MIDEAS: variants seen among roughly 807,000 people sequenced by gnomAD.
The protein encoded by MIDEAS is mitotic deacetylase-associated SANT domain protein.
Under a neutral mutation model 102.7 loss-of-function variants are expected in MIDEAS, and 26 were observed. The ratio of observed to expected loss-of-function variants is 0.25; its 90% CI spans 0.19 to 0.35. The LOEUF is 0.35. Ranked by LOEUF, MIDEAS falls within the 10% of genes least tolerant of loss-of-function variation. The pLI, the probability that MIDEAS is intolerant of heterozygous loss-of-function variation, is 1.00. For missense variants in MIDEAS, 1,231 were observed against 1,435.6 expected, an observed-to-expected ratio of 0.86 and a Z score of 2.30; for synonymous variants, 585 against 591.0, an observed-to-expected ratio of 0.99 and a Z score of 0.15.
At chr14:73,782,767 G>A (rs1020125739) in intron 1 of MIDEAS, among the ~76,000 whole-genome samples, 1 of 152,222 alleles carries the variant, frequency 6.6e-6, no homozygotes, top group Non-Finnish European at 1.5e-5. Context: ...AGGGCAGGCT[G>A]ACTGGGACAA....
intron 1 of MIDEAS, among the ~76,000 whole-genome samples, chr14:73,785,086 C>T (rs1278040616): frequency 6.6e-6 from 1 of 152,222 alleles, no homozygotes; most frequent in Non-Finnish European, 1.5e-5. Flanking sequence ...CCATGCCCAG[C>T]ATAAGGTGGT....
chr14:73,778,320 G>A (rs1259517416), intron 1 of MIDEAS, among the ~76,000 whole-genome samples: 9 of 150,840 alleles, frequency 6.0e-5, no homozygotes, highest in East Asian at 4.0e-4. Flanking sequence ...CTGAGATTGC[G>A]CCACTGCACT....
chr14:73,764,755 T>C (rs2053580825), upstream of MIDEAS, among the ~76,000 whole-genome samples: 1 of 152,240 alleles, frequency 6.6e-6, no homozygotes, highest in Non-Finnish European at 1.5e-5. Flanking sequence ...TCCGCTCACA[T>C]TGACTTCACC....
chr14:73,747,141 A>G (rs1405646476), intron 1 of MIDEAS, among the ~76,000 whole-genome samples: 1 of 152,144 alleles, frequency 6.6e-6, no homozygotes, highest in Non-Finnish European at 1.5e-5. Context: ...GTTGTCACCC[A>G]TTCTGAATCT....
chr14:73,730,835 G>A (rs2053129074), intron 3 of MIDEAS, among the ~76,000 whole-genome samples: 1 of 152,194 alleles, frequency 6.6e-6, no homozygotes, highest in Non-Finnish European at 1.5e-5. Flanking sequence ...GCGGGTGCCT[G>A]TAATTTCAGC....
chr14:73,739,850 T>C lies in MIDEAS; in HGVS notation c.159A>G (p.Gly53=). Residue 53 remains glycine (G), a synonymous_variant, in exon 2 of 13, where the codon GGA becomes GGG. Transcript: ENST00000423556. ...CAGGCTGAGAGGTGGAGACTGCCCC[T>C]CCTGGACCCTCGTGCCCGAGGTACT... ...EEQYLGHEGP[G]GAVSTSQPVE... 6.3e-7 allele frequency: 1 copy of C among 1,599,632 alleles called. No individual in the cohort carries two copies. The highest frequency in any genetic ancestry group is 1.1e-5 in the South Asian group (1 of 89,890).
chr14:73,739,071 G>A lies in MIDEAS; in HGVS notation c.938C>T (p.Pro313Leu), dbSNP rs765568789. ...CAGTTCTGGGTTCATATCTGGGTTGGGGGGGAAGGGGTAGGGTGCCATGCT... is the reference window on the plus strand; with the variant it reads ...CAGTTCTGGGTTCATATCTGGGTTGAGGGGGAAGGGGTAGGGTGCCATGCT... The part of the protein sequence containing the change: ...HHSMAPYPFP[P>L]NPDMNPELRK... The change falls in exon 2 of 13, where the codon CCC (proline) becomes CTC (leucine). Residue 313 changes from proline to leucine, a missense_variant. Around this residue, in one of 5 missense-constraint regions of MIDEAS, gnomAD observed 758 missense variants for 856.0 expected, o/e 0.89. Transcript: ENST00000423556. The A allele has an allele frequency of 2.5e-6, 4 of 1,575,926 alleles. No individual in the cohort carries two copies. The highest frequency in any genetic ancestry group is 1.2e-5 in the South Asian group (1 of 84,550).
rs1028657013 is a variant in MIDEAS at position 73,719,049 on chromosome 14, C to G, written c.3135-41G>C. On this transcript the variant is annotated intron_variant, in intron 12 of 12. Coordinates refer to ENST00000423556, the MANE Select transcript of MIDEAS (RefSeq NM_001367710.1). ...GGTTGCTCAGAACCGGCCTAGCCCA[C>G]CCGGGGGCCCCCAGCGCGGGTGCGC... 18 of 1,449,804 alleles carry G rather than the reference C, an allele frequency of 1.2e-5. No homozygotes were observed. The African/African-American group carries it at 1.9e-4, about 15-fold the overall frequency. The allele number at this position is 1,449,804 out of a possible 1,614,324, so 89.8% of individuals were successfully genotyped here.
In MIDEAS at chr14:73,733,310, G is replaced by A. The variant is rs538003382; in HGVS notation, c.1750-3325C>T. ...CCTCTGATTAAAGTAATTCAGGGCC[G>A]GGTGAGGTGGCTTACACCTGTAATC... On this transcript the variant is annotated intron_variant, in intron 3 of 12. Transcript: ENST00000423556. Among the ~76,000 whole-genome samples, 11 of 151,960 alleles carry A rather than the reference G, an allele frequency of 7.2e-5. No homozygotes were observed. In the East Asian group the frequency reaches 1.4e-3, roughly 19 times the overall value.
chr14:73,739,796 G>C lies in MIDEAS; in HGVS notation c.213C>G (p.Ala71=). 6.2e-7 allele frequency: 1 copy of C among 1,613,512 alleles called. No individual in the cohort carries two copies. Among genetic ancestry groups the C allele is most frequent in the Non-Finnish European group, 8.5e-7 (1 of 1,179,732 alleles). Residue 71 remains alanine, a synonymous_variant, in exon 2 of 13, where the codon GCC becomes GCG. Transcript: ENST00000423556. ...GCCCATATACCACAGAGTTCAGCAG[G>C]GCCAGGCTGCTAGGAGGGGGCAGTT... ...PVELPPPSSL[A]LLNSVVYGPE...
Position 73,742,362 on chromosome 14 carries a change from C to T in MIDEAS, c.-247-2107G>A, listed in dbSNP as rs1368942170. Among the ~76,000 whole-genome samples the T allele has an allele frequency of 2.0e-5, 3 of 147,792 alleles. No individual in the cohort carries two copies. The highest frequency in any genetic ancestry group is 5.3e-5 in the African/African-American group (2 of 37,384). ...CACGTGGCGGGTGGGCCTGGATGCA[C>T]GTGCCAGTGTGAACCTGATGGAGGG... On this transcript the variant is annotated intron_variant, in intron 1 of 12. Coordinates refer to ENST00000423556, the MANE Select transcript of MIDEAS (RefSeq NM_001367710.1). This position sits in a 1 kb window ranked among gnomAD's most constrained non-coding sequence, Gnocchi z 4.4.
intron 3 of MIDEAS, among the ~76,000 whole-genome samples, chr14:73,732,340 A>C (rs2053149210): frequency 6.6e-6 from 1 of 151,062 alleles, no homozygotes; most frequent in South Asian, 2.1e-4. Flanking sequence ...TAAAGAGCCA[A>C]GATCTAGGTG....
chr14:73,719,624 T>G, intron 11 of MIDEAS, 123 bp from the exon 12 acceptor site: 1 of 912,546 alleles, frequency 1.1e-6, no homozygotes. Flanking sequence ...TCACCTAGCA[T>G]GCACTTGGGT....
chr14:73,769,169 C>G (rs1200958310), intron 1 of MIDEAS, among the ~76,000 whole-genome samples: 1 of 152,204 alleles, frequency 6.6e-6, no homozygotes, highest in African/African-American at 2.4e-5. Flanking sequence ...CAGGGTCTTT[C>G]CCTCTCACTC....
At chr14:73,736,846 TCTGTCCAGAAG>T (rs994037818) in intron 3 of MIDEAS, 141 bp downstream of exon 3, 33 of 718,706 alleles carry the variant, frequency 4.6e-5, no homozygotes, top group Admixed American at 1.5e-4. Flanking sequence ...CTTCTGGACG[TCTGTCCAGAAG>T]TTTGGTTTGG....
At chr14:73,750,177 G>A (rs1007041815) in intron 1 of MIDEAS, among the ~76,000 whole-genome samples, 1 of 152,178 alleles carries the variant, frequency 6.6e-6, no homozygotes, top group Non-Finnish European at 1.5e-5. Context: ...TCCTATGGAG[G>A]AGTCTTATGT....
Position 73,737,185 on chromosome 14 carries a change from C to G in MIDEAS, c.1562G>C (p.Gly521Ala), listed in dbSNP as rs772266815. 9.9e-6 allele frequency: 16 copies of G among 1,613,986 alleles called. No individual in the cohort carries two copies. The highest frequency in any genetic ancestry group is 1.4e-5 in the Non-Finnish European group (16 of 1,180,022). ...LATKRAREDS[G>A]MVPLIIPVSV... is the part of the protein sequence containing the mutation. Reference sequence around the variant, plus strand: ...CACTGGGATGATGAGGGGTACCATCCCACTGTCTTCTCGTGCTCGCTTGGT... The same window carrying G: ...CACTGGGATGATGAGGGGTACCATCGCACTGTCTTCTCGTGCTCGCTTGGT... The change falls in exon 3 of 13, where the codon GGG becomes GCG. Residue 521 changes from glycine to alanine, a missense_variant. This residue lies in a region of MIDEAS where 758 missense variants were observed against 856.0 expected (regional missense o/e 0.89). Coordinates refer to ENST00000423556, the MANE Select transcript of MIDEAS (RefSeq NM_001367710.1).
Position 73,719,326 on chromosome 14 carries a change from A to G in MIDEAS, c.3113T>C (p.Phe1038Ser). The change falls in exon 12 of 13, where the codon TTC becomes TCC. Residue 1038 changes from phenylalanine to serine, a missense_variant. By Grantham distance (155) the Phe-to-Ser change is radical. Transcript: ENST00000423556. ...FSKTQNQENT[F>S]PCKKCGRVFY... ...TTACCTGCCACATTTTTTACAGGGG[A>G]AAGTGTTCTCCTGATTCTGGGTCTT... The G allele has an allele frequency of 6.2e-7, 1 of 1,609,640 alleles. No individual in the cohort carries two copies. The highest frequency in any genetic ancestry group is 8.5e-7 in the Non-Finnish European group (1 of 1,178,394).
chr14:73,790,016 G>A (rs2053854580), upstream of MIDEAS: 1 of 152,264 alleles, frequency 6.6e-6, no homozygotes, highest in Non-Finnish European at 1.5e-5. Context: ...AGGGGTAGGC[G>A]ATTTTGGTTG....
Sources: gnomAD v4.1 joint callset for allele counts (sites outside exome capture counted in the v4.1 genomes callset) on GRCh38, gnomAD v4.1.1 for gene constraint, gnomAD v4.1.1 regional missense constraint, Gnocchi (gnomAD v3.1) non-coding constraint, MANE v1.5 for transcripts, NCBI Gene and HGNC (gene_info 2026-07-23, HGNC 2026-07-21) for gene names.